Variants in PCDHGB3 observed in about 807,000 individuals in gnomAD.
PCDHGB3 encodes the protein protocadherin gamma subfamily B, 3.
A neutral mutation model predicts 59.2 loss-of-function variants in PCDHGB3; 40 were observed. That is an observed-to-expected ratio of 0.68 (90% CI 0.52 to 0.88). The LOEUF (loss-of-function observed/expected upper bound fraction) is 0.88, where lower values mean the gene tolerates loss of function less well. PCDHGB3 is among the 40% of genes least tolerant of loss of function. The pLI is 0.00. For synonymous variants in PCDHGB3, 581 were observed against 503.6 expected (o/e 1.15, Z -2.06); for missense variants, 1,309 against 1,187.9 (o/e 1.10, Z -1.50).
At chr5:141,488,599 C>T (rs1017044328) in intron 1 of PCDHGB3, among the ~76,000 whole-genome samples, 1 of 152,152 alleles carries the variant, frequency 6.6e-6, no homozygotes, top group Non-Finnish European at 1.5e-5. Flanking sequence ...CAAGACTTTA[C>T]AAGGTTCTTA....
chr5:141,509,292 T>A (rs1407798154), intron 3 of PCDHGB3, among the ~76,000 whole-genome samples: 1 of 152,028 alleles, frequency 6.6e-6, no homozygotes, highest in Non-Finnish European at 1.5e-5. Context: ...GGGTCCAGGG[T>A]GGAGGCAGAG....
intron 1 of PCDHGB3, among the ~76,000 whole-genome samples, chr5:141,436,889 G>T (rs1319754318): frequency 6.6e-6 from 1 of 152,208 alleles, no homozygotes; most frequent in Non-Finnish European, 1.5e-5. Flanking sequence ...ATGGGGGAAA[G>T]ATTTTTATAT....
intron 1 of PCDHGB3, chr5:141,424,304 C>T (rs909355692): frequency 2.0e-5 from 3 of 152,464 alleles, no homozygotes; most frequent in Admixed American, 2.0e-4. Flanking sequence ...CCTATCAACA[C>T]AGACATATTG....
At chr5:141,380,735 C>G (rs973708229) in intron 1 of PCDHGB3, among the ~76,000 whole-genome samples, 6 of 152,066 alleles carry the variant, frequency 3.9e-5, no homozygotes, top group Admixed American at 3.3e-4. Flanking sequence ...TTCCTTTTCT[C>G]CAAAGAAGGT....
Position 141,476,489 on chromosome 5 carries a change from A to G in PCDHGB3, c.2416-18318A>G. ...GGAGCTGTTCAGCGTGGAAGTGGTGATCCAGGACATCAACGACAACAATCC... is the reference window on the plus strand; with the variant it reads ...GGAGCTGTTCAGCGTGGAAGTGGTGGTCCAGGACATCAACGACAACAATCC... On this transcript the variant is annotated intron_variant, in intron 1 of 3. Coordinates refer to ENST00000576222, the MANE Select transcript of PCDHGB3 (RefSeq NM_018924.5). The surrounding 1 kb of genome is among the most constrained non-coding windows in gnomAD (Gnocchi z 7.6). The G allele has an allele frequency of 6.2e-7, 1 of 1,613,928 alleles. No individual in the cohort carries two copies. Among genetic ancestry groups the G allele is most frequent in the Non-Finnish European group, 8.5e-7 (1 of 1,179,976 alleles).
At chr5:141,456,702 C>T (rs1185842343) in intron 1 of PCDHGB3, among the ~76,000 whole-genome samples, 1 of 152,062 alleles carries the variant, frequency 6.6e-6, no homozygotes, top group Non-Finnish European at 1.5e-5. Flanking sequence ...TGGTGGCTCG[C>T]GCCTGTAATC....
At chr5:141,410,029 G>T (rs2095350230) in intron 1 of PCDHGB3, 15 of 1,613,274 alleles carry the variant, frequency 9.3e-6, no homozygotes, top group Non-Finnish European at 1.3e-5. Context: ...ACCACGTGCT[G>T]CAGGCCAGTG....
At chr5:141,403,074 A>G (rs777613681) in intron 1 of PCDHGB3, 9 of 1,614,088 alleles carry the variant, frequency 5.6e-6, no homozygotes, top group Non-Finnish European at 6.8e-6. Flanking sequence ...GAGACAGAAA[A>G]GGGCTATATT....
intron 1 of PCDHGB3, chr5:141,393,488 A>G: frequency 1.9e-6 from 3 of 1,614,066 alleles, no homozygotes; most frequent in Non-Finnish European, 2.5e-6. Context: ...GCTCTAGCAC[A>G]GTGCGCATCC....
rs2150008229 is a variant in PCDHGB3, at chr5:141,372,532, T to C, written c.2138T>C (p.Leu713Pro). The C allele has an allele frequency of 6.2e-7, 1 of 1,614,022 alleles. No homozygotes were observed. Among genetic ancestry groups the C allele is most frequent in the South Asian group, 1.1e-5 (1 of 91,086 alleles). ...CTCGCGGTGATTCTGGCAATCTCCC[T>C]GCGCCTGCGATGCTCCTCCAGACCC... The part of the protein sequence containing the change: ...FLLAVILAIS[L>P]RLRCSSRPAT... Residue 713 changes from leucine to proline, a missense_variant, in exon 1 of 4, where the codon CTG (leucine) becomes CCG (proline). Coordinates refer to ENST00000576222, the MANE Select transcript of PCDHGB3 (RefSeq NM_018924.5).
At chr5:141,478,519 G>T (rs778194073) in intron 1 of PCDHGB3, 19 of 1,610,728 alleles carry the variant, frequency 1.2e-5, no homozygotes, top group Non-Finnish European at 1.6e-5. Flanking sequence ...GGCAGGTGTT[G>T]GGTGCAGAGA....
In PCDHGB3 at chr5:141,372,390, G is replaced by GA; in HGVS notation, c.1997dup (p.Asp666GlufsTer2). On this transcript the variant is annotated frameshift_variant, in exon 1 of 4. Coordinates refer to ENST00000576222, the MANE Select transcript of PCDHGB3 (RefSeq NM_018924.5). LOFTEE classifies it high-confidence loss of function. ...CGTCATGCTGCACCTAATCTTCGCA[G>GA]ATAGCTTGCAAGAGATACAACCTGA... The GA allele has an allele frequency of 6.2e-7, 1 of 1,614,044 alleles. No homozygotes were observed. The highest frequency in any genetic ancestry group is 8.5e-7 in the Non-Finnish European group (1 of 1,179,906).
intron 1 of PCDHGB3, chr5:141,413,089 C>T: frequency 7.1e-7 from 1 of 1,401,124 alleles, no homozygotes; most frequent in Non-Finnish European, 9.7e-7. Context: ...TACAGAGACA[C>T]CCTGAAGCCA....
At chr5:141,496,948 G>A (rs2099772844) in intron 2 of PCDHGB3, among the ~76,000 whole-genome samples, 1 of 151,826 alleles carries the variant, frequency 6.6e-6, no homozygotes, top group Admixed American at 6.6e-5. Context: ...CACTTTGGGA[G>A]GCCAAGGTGG....
intron 1 of PCDHGB3, chr5:141,418,096 G>A (rs772001018): frequency 6.2e-7 from 1 of 1,614,078 alleles, no homozygotes; most frequent in East Asian, 2.2e-5. Context: ...GCGTAGACGC[G>A]CAGAGCGGGG....
chr5:141,391,206 C>G (rs1004320707), intron 1 of PCDHGB3: 14 of 152,076 alleles, frequency 9.2e-5, no homozygotes, highest in African/African-American at 3.4e-4. Flanking sequence ...TACAAAATAC[C>G]AAGGAACATT....
At chr5:141,471,660 A>G (rs1010236543) in intron 1 of PCDHGB3, 12 of 152,184 alleles carry the variant, frequency 7.9e-5, no homozygotes, top group Non-Finnish European at 1.8e-4. Flanking sequence ...GTGGGGATGC[A>G]GAAAAAAATA....
intron 1 of PCDHGB3, chr5:141,390,401 A>G (rs1471626291): frequency 2.3e-6 from 3 of 1,328,496 alleles, no homozygotes; most frequent in Admixed American, 2.3e-5. Flanking sequence ...TCATTTTAGG[A>G]AAGTTGTAGT....
In PCDHGB3 at chr5:141,384,747, C is replaced by G. The variant is rs755356826; in HGVS notation, c.2415+11938C>G. 28 of 1,613,942 alleles carry G rather than the reference C, an allele frequency of 1.7e-5. No homozygotes were observed. The South Asian group carries it at 3.0e-4, about 17-fold the overall frequency. The stretch of plus-strand genomic sequence containing the variant: ...TGCTTAAGGCCAGCGAGCCAGGACT[C>G]TTTGCGGTTGGGCTGTACACGGGCG... On this transcript the variant is annotated intron_variant, in intron 1 of 3. Transcript: ENST00000576222.
Sources: allele counts gnomAD v4.1 joint callset (sites outside exome capture counted in the v4.1 genomes callset), GRCh38; gene constraint gnomAD v4.1.1; non-coding constraint Gnocchi (gnomAD v3.1); transcripts MANE v1.5; gene names NCBI Gene and HGNC (gene_info 2026-07-23, HGNC 2026-07-21).